Variants in PIWIL4 observed in about 807,000 individuals in gnomAD.
The protein encoded by PIWIL4 is piwi like RNA-mediated gene silencing 4, also known as piwi-like protein 4.
A neutral mutation model predicts 100.9 loss-of-function variants in PIWIL4; 50 were observed. That is an observed-to-expected ratio of 0.50 (90% CI 0.39 to 0.63). The LOEUF (loss-of-function observed/expected upper bound fraction) is 0.63. Among genes scored for constraint, PIWIL4 ranks in the 20% least tolerant of loss-of-function variants. The pLI is 0.00. For missense variants in PIWIL4, 887 were observed against 1,043.3 expected (o/e 0.85, Z 2.06); for synonymous variants, 342 against 367.5 (o/e 0.93, Z 0.79).
chr11:94,619,287 T>C (rs1218339460), intron 17 of PIWIL4, among the ~76,000 whole-genome samples: 1 of 152,114 alleles, frequency 6.6e-6, no homozygotes, highest in African/African-American at 2.4e-5. Context: ...GGTCCATCCA[T>C]CCATCCACCC....
intron 13 of PIWIL4, among the ~76,000 whole-genome samples, chr11:94,605,354 C>T (rs1302376044): frequency 1.3e-5 from 2 of 152,106 alleles, no homozygotes; most frequent in Non-Finnish European, 2.9e-5. Context: ...TTTTGTATAA[C>T]GTCCCTCGAT....
rs1948889097 is a variant in PIWIL4, at chr11:94,619,993, T to A, written c.2295-4T>A. On this transcript the variant is annotated splice_region_variant and splice_polypyrimidine_tract_variant and intron_variant, in intron 18 of 19. Transcript: ENST00000299001. ...TCCTACATTCATTCCATTTTCCCCC[T>A]CAGGTATGACTTTTATCTGATCAGC... The A allele has an allele frequency of 1.9e-6, 3 of 1,614,058 alleles. No individual in the cohort carries two copies. The highest frequency in any genetic ancestry group is 2.5e-6 in the Non-Finnish European group (3 of 1,180,026).
Position 94,595,441 on chromosome 11 carries a change from C to T in PIWIL4, c.1268+15C>T, listed in dbSNP as rs749703430. ...AACATCCAGAGGTACTGGATCACCG[C>T]ATGCATCCTTCCTGGGGCTGAGTTT... On this transcript the variant is annotated intron_variant, in intron 10 of 19. Coordinates refer to ENST00000299001, the MANE Select transcript of PIWIL4 (RefSeq NM_152431.3). 18 of 1,595,688 alleles carry T rather than the reference C, an allele frequency of 1.1e-5. No homozygotes were observed. The highest frequency in any genetic ancestry group is 1.5e-5 in the Non-Finnish European group (17 of 1,166,000).
intron 15 of PIWIL4, among the ~76,000 whole-genome samples, chr11:94,611,894 C>G (rs1948791292): frequency 6.6e-6 from 1 of 151,968 alleles, no homozygotes; most frequent in African/African-American, 2.4e-5. Context: ...AATAAATTGC[C>G]CAGTCTAAAG....
intron 15 of PIWIL4, among the ~76,000 whole-genome samples, chr11:94,609,625 ATTT>A (rs535940364): frequency 6.6e-6 from 1 of 151,900 alleles, no homozygotes; most frequent in South Asian, 2.1e-4. Flanking sequence ...AAGGACTTTC[ATTT>A]TTTTCTTTGT....
intron 4 of PIWIL4, among the ~76,000 whole-genome samples, 179 bp downstream of exon 4, chr11:94,577,671 A>G (rs1354883354): frequency 6.6e-6 from 1 of 152,236 alleles, no homozygotes; most frequent in Non-Finnish European, 1.5e-5. Flanking sequence ...ACCAAGGTCA[A>G]GACACTTTTA....
chr11:94,598,117 A>G (rs1174998258), intron 11 of PIWIL4, among the ~76,000 whole-genome samples: 3 of 152,194 alleles, frequency 2.0e-5, no homozygotes, highest in Admixed American at 6.5e-5. Context: ...CCCAGTGGAC[A>G]TGATTTAGGT....
chr11:94,573,021 T>C (rs1420335652), intron 2 of PIWIL4, among the ~76,000 whole-genome samples: 3 of 152,210 alleles, frequency 2.0e-5, no homozygotes, highest in African/African-American at 7.2e-5. Flanking sequence ...GTAAGTTGGA[T>C]TCCTAGGTAT....
intron 11 of PIWIL4, among the ~76,000 whole-genome samples, chr11:94,600,022 G>A (rs1002635506): frequency 1.3e-5 from 2 of 152,150 alleles, no homozygotes; most frequent in African/African-American, 4.8e-5. Context: ...AGCATACAAT[G>A]TGGTCCCTTT....
At chr11:94,582,390 A>T (rs888572583) in intron 4 of PIWIL4, among the ~76,000 whole-genome samples, 1 of 148,892 alleles carries the variant, frequency 6.7e-6, no homozygotes, top group Non-Finnish European at 1.5e-5. Flanking sequence ...TCTCGATGAA[A>T]TCTTACATCC....
chr11:94,598,829 TC>T (rs1565278469), intron 11 of PIWIL4, among the ~76,000 whole-genome samples: 1 of 149,536 alleles, frequency 6.7e-6, no homozygotes, highest in African/African-American at 2.5e-5. Context: ...CATTTCAGCC[TC>T]CCAAGAAGCT....
chr11:94,616,615 C>T, intron 16 of PIWIL4, 52 bp downstream of exon 16: 1 of 1,407,360 alleles, frequency 7.1e-7, no homozygotes, highest in Non-Finnish European at 9.9e-7. Flanking sequence ...TCCTTCAGAC[C>T]TCAAATCCAC....
At chr11:94,616,825 A>G (rs1162471612) in intron 16 of PIWIL4, among the ~76,000 whole-genome samples, 1 of 152,208 alleles carries the variant, frequency 6.6e-6, no homozygotes, top group Non-Finnish European at 1.5e-5. Context: ...TTTCCCTGAC[A>G]AGCAGTTTGA....
intron 9 of PIWIL4, among the ~76,000 whole-genome samples, chr11:94,595,027 T>TC (rs1310107516): frequency 6.6e-6 from 1 of 152,222 alleles, no homozygotes; most frequent in Non-Finnish European, 1.5e-5. Context: ...GGAAACTACC[T>TC]CAACAATAAA....
chr11:94,610,391 GT>G (rs879792000), intron 15 of PIWIL4, among the ~76,000 whole-genome samples: 7 of 152,014 alleles, frequency 4.6e-5, no homozygotes, highest in Admixed American at 4.6e-4. Flanking sequence ...TCATATAGTA[GT>G]TCTACTTGAA....
intron 4 of PIWIL4, among the ~76,000 whole-genome samples, chr11:94,578,114 G>C (rs1948264147): frequency 6.6e-6 from 1 of 152,078 alleles, no homozygotes; most frequent in Non-Finnish European, 1.5e-5. Flanking sequence ...GCTCTTGATG[G>C]GTTGGCTTTT....
chr11:94,598,661 C>A (rs1220955667), intron 11 of PIWIL4, among the ~76,000 whole-genome samples: 1 of 148,176 alleles, frequency 6.7e-6, no homozygotes, highest in East Asian at 2.0e-4. Flanking sequence ...TATAATTGAA[C>A]AATGAATGTA....
chr11:94,568,602 T>C, intron 1 of PIWIL4, 128 bp from the exon 2 acceptor site: 1 of 674,344 alleles, frequency 1.5e-6, no homozygotes, highest in South Asian at 1.8e-5. Context: ...CTCTCAAGGG[T>C]TTTACCTGTT....
chr11:94,617,793 T>A, intron 16 of PIWIL4, 161 bp from the exon 17 acceptor site: 1 of 657,312 alleles, frequency 1.5e-6, no homozygotes, highest in Non-Finnish European at 2.6e-6. Context: ...CCTAAAGTTA[T>A]CCATTGTTAT....
Sources: allele counts gnomAD v4.1 joint callset (sites outside exome capture counted in the v4.1 genomes callset), GRCh38; gene constraint gnomAD v4.1.1; transcripts MANE v1.5; gene names NCBI Gene and HGNC (gene_info 2026-07-23, HGNC 2026-07-21).